RREB1: variants seen among roughly 807,000 people sequenced by gnomAD.
RREB1 encodes the protein ras responsive element binding protein 1, also known as ras-responsive element-binding protein 1.
A neutral mutation model predicts 117.8 loss-of-function variants in RREB1; 27 were observed. That is an observed-to-expected ratio of 0.23 (90% CI 0.17 to 0.32). RREB1 has a LOEUF of 0.32. Among genes scored for constraint, RREB1 ranks in the 10% least tolerant of loss-of-function variants. The probability of loss-of-function intolerance (pLI) is 1.00; values close to 1 mark genes in which losing one functional copy is unlikely to be tolerated. For missense variants in RREB1, 2,577 were observed against 2,378.2 expected, an observed-to-expected ratio of 1.08 and a Z score of -1.74; for synonymous variants, 1,298 against 1,026.7, an observed-to-expected ratio of 1.26 and a Z score of -5.05.
At chr6:7,153,384 A>G (rs766539602) in intron 1 of RREB1, among the ~76,000 whole-genome samples, 21 of 149,156 alleles carry the variant, frequency 1.4e-4, no homozygotes, top group African/African-American at 2.5e-4. Flanking sequence ...TCCCTACTCA[A>G]TTAAAGTCAA....
At chr6:7,174,246 G>T (rs1764389035) in intron 1 of RREB1, among the ~76,000 whole-genome samples, 1 of 147,952 alleles carries the variant, frequency 6.8e-6, no homozygotes, top group Admixed American at 6.8e-5. Context: ...CGCTCTTCAA[G>T]CTCTGTGACT....
At chr6:7,177,181 T>TGTGTG (rs1764538015) in intron 2 of RREB1, among the ~76,000 whole-genome samples, 1 of 131,766 alleles carries the variant, frequency 7.6e-6, no homozygotes, top group South Asian at 2.3e-4. Context: ...ATAGTGCCAC[T>TGTGTG]GCACTACAGT....
chr6:7,156,582 G>A (rs1029557825), intron 1 of RREB1, among the ~76,000 whole-genome samples: 1 of 152,160 alleles, frequency 6.6e-6, no homozygotes, highest in Non-Finnish European at 1.5e-5. Context: ...AGCCATTTTG[G>A]GTTGGACATT....
intron 11 of RREB1, among the ~76,000 whole-genome samples, chr6:7,244,748 G>A (rs767391120): frequency 4.6e-5 from 7 of 152,176 alleles, no homozygotes; most frequent in Non-Finnish European, 5.9e-5. Flanking sequence ...GTAAGTAGCC[G>A]CGTTATGCAG....
intron 2 of RREB1, among the ~76,000 whole-genome samples, chr6:7,176,974 T>C (rs1262141909): frequency 6.6e-6 from 1 of 151,896 alleles, no homozygotes; most frequent in Non-Finnish European, 1.5e-5. Context: ...TCCAGCACTT[T>C]AGGAGGCTGA....
intron 1 of RREB1, among the ~76,000 whole-genome samples, chr6:7,123,948 C>T (rs907550689): frequency 6.6e-6 from 1 of 152,084 alleles, no homozygotes; most frequent in African/African-American, 2.4e-5. Flanking sequence ...TGATATGTCC[C>T]TTCTTCGTGT....
chr6:7,202,031 C>T (rs556935817), intron 6 of RREB1, among the ~76,000 whole-genome samples: 2 of 152,288 alleles, frequency 1.3e-5, no homozygotes, highest in South Asian at 2.1e-4. Context: ...TGGGAGGTGA[C>T]ATTTCTCTTT....
At chr6:7,119,130 T>A (rs186398396) in intron 1 of RREB1, among the ~76,000 whole-genome samples, 1 of 152,154 alleles carries the variant, frequency 6.6e-6, no homozygotes, top group African/African-American at 2.4e-5. Flanking sequence ...GGTTCACGCC[T>A]GTAATCCCAG....
In RREB1 at chr6:7,181,544, T is replaced by C. The variant is rs1283010892; in HGVS notation, c.-43+298T>C. 7.5e-6 allele frequency: 4 copies of C among 529,998 alleles called. No individual in the cohort carries two copies. The East Asian group carries it at 9.6e-5, about 13-fold the overall frequency. The allele number at this position is 529,998 out of a possible 1,614,324, so 32.8% of individuals were successfully genotyped here. ...AGGGTGCTGCAGGGCGGCAGCTTTC[T>C]GGGCTTTGTCATTGTTGGCTTGGCC... On this transcript the variant is annotated intron_variant, in intron 3 of 12. Coordinates refer to ENST00000379938, the MANE Select transcript of RREB1 (RefSeq NM_001003699.4).
At chr6:7,185,832 T>G (rs532843649) in intron 4 of RREB1, among the ~76,000 whole-genome samples, 10 of 152,360 alleles carry the variant, frequency 6.6e-5, no homozygotes, top group African/African-American at 2.4e-4. Flanking sequence ...GCTTAGGGCA[T>G]GGGCTGTGGA....
At chr6:7,223,886 C>T (rs1038264857) in intron 8 of RREB1, among the ~76,000 whole-genome samples, 2 of 152,126 alleles carry the variant, frequency 1.3e-5, no homozygotes, top group Admixed American at 1.3e-4. Flanking sequence ...TCTTCCCAAC[C>T]TGTTTATGTC....
intron 10 of RREB1, among the ~76,000 whole-genome samples, chr6:7,236,400 G>A (rs2113146394): frequency 6.6e-6 from 1 of 152,282 alleles, no homozygotes; most frequent in East Asian, 1.9e-4. Flanking sequence ...ATCTGGCAGT[G>A]AGGGTCAGAG....
At chr6:7,196,385 T>G (rs533951417) in intron 6 of RREB1, among the ~76,000 whole-genome samples, 1 of 152,228 alleles carries the variant, frequency 6.6e-6, no homozygotes, top group African/African-American at 2.4e-5. Context: ...TTATGAGTAT[T>G]TGTTAGTTAT....
chr6:7,183,384 A>T (rs1764905312), intron 4 of RREB1: 1 of 152,216 alleles, frequency 6.6e-6, no homozygotes, highest in Non-Finnish European at 1.5e-5. Context: ...CCATTGGACA[A>T]TATGTACCCA....
chr6:7,121,104 G>A (rs560907354), intron 1 of RREB1, among the ~76,000 whole-genome samples: 4 of 152,208 alleles, frequency 2.6e-5, no homozygotes, highest in African/African-American at 4.8e-5. Context: ...GATTACAGGC[G>A]TGAGCCACTG....
intron 6 of RREB1, among the ~76,000 whole-genome samples, chr6:7,207,805 T>C (rs968844969): frequency 6.6e-6 from 1 of 152,220 alleles, no homozygotes; most frequent in African/African-American, 2.4e-5. Context: ...CCTCTTACAC[T>C]ATTTGAAGAG....
chr6:7,141,163 T>G (rs1434967569), intron 1 of RREB1, among the ~76,000 whole-genome samples: 1 of 151,686 alleles, frequency 6.6e-6, no homozygotes, highest in African/African-American at 2.4e-5. Flanking sequence ...CCGCGGTGGG[T>G]GTCCGGTGAG....
In RREB1 at chr6:7,231,487, C is replaced by A. The variant is rs748997826; in HGVS notation, c.3388C>A (p.Pro1130Thr). 6 of 1,611,590 alleles carry A rather than the reference C, an allele frequency of 3.7e-6. No individual in the cohort carries two copies. The highest frequency in any genetic ancestry group is 2.2e-5 in the East Asian group (1 of 44,780). ...CAGCCCAAAAGAGTCTAGTGAGCCTCCCGCTCCAGCCAGCAGCCCAGAGGC... is the reference window on the plus strand; with the variant it reads ...CAGCCCAAAAGAGTCTAGTGAGCCTACCGCTCCAGCCAGCAGCCCAGAGGC... ...TTSPKESSEPPAPASSPEAAS... is the reference protein window; with the variant it reads ...TTSPKESSEPTAPASSPEAAS... The change falls in exon 10 of 13, where the codon CCC becomes ACC. Residue 1130 changes from proline (P) to threonine (T), a missense_variant. Physicochemically the swap from Pro to Thr is conservative, Grantham distance 38. Transcript: ENST00000379938.
intron 10 of RREB1, among the ~76,000 whole-genome samples, chr6:7,233,161 G>T (rs529007615): frequency 1.4e-4 from 22 of 152,320 alleles, no homozygotes; most frequent in African/African-American, 5.3e-4. Context: ...CTCTCAAAGT[G>T]CTGGGATTAC....
Sources: gnomAD v4.1 joint callset for allele counts (sites outside exome capture counted in the v4.1 genomes callset) on GRCh38, gnomAD v4.1.1 for gene constraint, MANE v1.5 for transcripts, NCBI Gene and HGNC (gene_info 2026-07-23, HGNC 2026-07-21) for gene names.